Variants in ATP2B2 observed in about 807,000 individuals in gnomAD.
ATP2B2 encodes the protein plasma membrane calcium-transporting ATPase 2.
In ATP2B2, 15 loss-of-function variants were observed where a neutral mutation model predicts 120.0. The observed-to-expected ratio is 0.12, with a 90% CI of 0.08 to 0.19. ATP2B2 has a LOEUF of 0.19. Among genes scored for constraint, ATP2B2 ranks in the 10% least tolerant of loss-of-function variants. The pLI, the probability that ATP2B2 is intolerant of heterozygous loss-of-function variation, is 1.00. For missense variants in ATP2B2, 1,045 were observed against 1,719.8 expected, an observed-to-expected ratio of 0.61 and a Z score of 6.94; for synonymous variants, 694 against 700.3, an observed-to-expected ratio of 0.99 and a Z score of 0.14.
intron 1 of ATP2B2, among the ~76,000 whole-genome samples, chr3:10,486,105 C>T (rs192089612): frequency 3.9e-5 from 6 of 152,312 alleles, no homozygotes; most frequent in Admixed American, 3.9e-4. Flanking sequence ...TTCCATCGCA[C>T]TCATACAACA....
At chr3:10,482,550 C>T (rs1193897526) in intron 1 of ATP2B2, among the ~76,000 whole-genome samples, 2 of 152,194 alleles carry the variant, frequency 1.3e-5, no homozygotes, top group South Asian at 2.1e-4. Flanking sequence ...AGTGCCATGG[C>T]TAGGGTCAAG....
chr3:10,377,007 G>A (rs2061399365), intron 10 of ATP2B2, among the ~76,000 whole-genome samples: 1 of 152,156 alleles, frequency 6.6e-6, no homozygotes, highest in Non-Finnish European at 1.5e-5. Flanking sequence ...TAGATCCCCT[G>A]CCTACCCATC....
intron 2 of ATP2B2, among the ~76,000 whole-genome samples, chr3:10,428,491 G>C (rs1407511190): frequency 6.6e-6 from 1 of 152,162 alleles, no homozygotes; most frequent in Non-Finnish European, 1.5e-5. Context: ...GAGGGGACGA[G>C]GGGAGGCAAG....
chr3:10,336,926 T>C (rs1215771092), intron 22 of ATP2B2, among the ~76,000 whole-genome samples: 1 of 152,216 alleles, frequency 6.6e-6, no homozygotes, highest in African/African-American at 2.4e-5. Context: ...CTGCGTGGCT[T>C]TGCCGCCAGG....
intron 3 of ATP2B2, among the ~76,000 whole-genome samples, chr3:10,512,480 A>ATG: frequency 6.8e-6 from 1 of 147,376 alleles, no homozygotes; most frequent in East Asian, 2.0e-4. Context: ...ACACACACAC[A>ATG]CACACACACA....
chr3:10,410,598 G>A lies in ATP2B2; in HGVS notation c.397+20C>T, dbSNP rs2062576948. 1.3e-6 allele frequency: 2 copies of A among 1,586,220 alleles called. No homozygotes were observed. The highest frequency in any genetic ancestry group is 1.1e-5 in the South Asian group (1 of 87,524). ...TGGCCAGGTGTGCGGGGCGGTTCGT[G>A]GGTCTGAGGCCCATCTTACCTTCGT... is the stretch of plus-strand genomic sequence containing the variant. On this transcript the variant is annotated intron_variant, in intron 3 of 22. Transcript: ENST00000360273.
chr3:10,501,986 T>C (rs2066414284), intron 1 of ATP2B2, among the ~76,000 whole-genome samples: 1 of 152,076 alleles, frequency 6.6e-6, no homozygotes, highest in Non-Finnish European at 1.5e-5. Context: ...CATCAGGTGA[T>C]CTTTAGGTTA....
rs2061134865 is a variant in ATP2B2, at chr3:10,368,604, ACATC to A, written c.1659+3201_1659+3204del. The stretch of plus-strand genomic sequence containing the variant: ...TCCACTCATCCATCCGCCAATGAAC[ACATC>A]CATCCATCCATTTACCAACCATCAC... On this transcript the variant is annotated intron_variant, in intron 12 of 22. Coordinates refer to ENST00000360273, the MANE Select transcript of ATP2B2 (RefSeq NM_001001331.4). 1.3e-4 allele frequency among the ~76,000 whole-genome samples: 19 copies of A among 150,830 alleles called. No individual in the cohort carries two copies. In the South Asian group the frequency reaches 4.0e-3, roughly 32 times the overall value.
Position 10,668,931 on chromosome 3 carries a change from G to C in ATP2B2, c.-460+38984C>G, listed in dbSNP as rs959556601. On this transcript the variant is annotated intron_variant, in intron 1 of 21. Transcript: ENST00000646379. ...CGTGACTGCTCACACAACCCGAGGA[G>C]AGCCGCACTGTTCTGTCCCCTCCTT... Among the ~76,000 whole-genome samples, 9 of 152,372 alleles carry C rather than the reference G, an allele frequency of 5.9e-5. No homozygotes were observed. In the East Asian group the frequency reaches 1.4e-3, roughly 23 times the overall value.
chr3:10,445,759 A>G (rs1216005019), intron 2 of ATP2B2, among the ~76,000 whole-genome samples: 1 of 152,224 alleles, frequency 6.6e-6, no homozygotes, highest in African/African-American at 2.4e-5. Flanking sequence ...TGTGACTCAG[A>G]GGCCAGCTCC....
intron 1 of ATP2B2, among the ~76,000 whole-genome samples, chr3:10,683,387 G>A (rs746377919): frequency 3.9e-5 from 6 of 152,046 alleles, no homozygotes; most frequent in Non-Finnish European, 7.4e-5. Flanking sequence ...CATGGGTTGG[G>A]AAGGCAGGAA....
At chr3:10,501,309 C>T (rs2066379275) in intron 1 of ATP2B2, among the ~76,000 whole-genome samples, 2 of 152,054 alleles carry the variant, frequency 1.3e-5, no homozygotes, top group African/African-American at 2.4e-5. Context: ...GGGGTGAAGC[C>T]GAAGCCACAC....
intron 8 of ATP2B2, among the ~76,000 whole-genome samples, chr3:10,382,867 C>T (rs1438391455): frequency 2.6e-5 from 4 of 151,146 alleles, no homozygotes; most frequent in Non-Finnish European, 4.4e-5. Context: ...TTTCCATATC[C>T]AAGTCATTGT....
chr3:10,569,586 A>T (rs2068079995), intron 2 of ATP2B2, among the ~76,000 whole-genome samples: 1 of 152,192 alleles, frequency 6.6e-6, no homozygotes, highest in Non-Finnish European at 1.5e-5. Flanking sequence ...GACCTCATGG[A>T]TATTAATCCT....
chr3:10,382,338 T>C (rs1428767488), intron 8 of ATP2B2, among the ~76,000 whole-genome samples: 1 of 147,890 alleles, frequency 6.8e-6, no homozygotes, highest in African/African-American at 2.5e-5. Context: ...ACCCAGCCCA[T>C]GATGTATAAT....
intron 2 of ATP2B2, among the ~76,000 whole-genome samples, chr3:10,565,433 CT>C (rs1327300251): frequency 6.6e-6 from 1 of 152,122 alleles, no homozygotes; most frequent in African/African-American, 2.4e-5. Context: ...TTCTGAAAGC[CT>C]CTGGAATCTG....
At position 10,543,941 on chromosome 3, in the gene ATP2B2, G is replaced by A. The variant is rs149631827; in HGVS notation, c.-414-9808C>T. Among the ~76,000 whole-genome samples the A allele has an allele frequency of 4.7e-3, 715 of 152,172 alleles. 11 individuals carry two copies. Among genetic ancestry groups the A allele is most frequent in the African/African-American group, 0.016 (649 of 41,520 alleles). On this transcript the variant is annotated intron_variant, in intron 2 of 21. Transcript: ENST00000646379. ...TTTAGTAGAGATGGGGTTTCACCAC[G>A]TTGGCCAGGCTGGTCTCCAACTTCT...
intron 2 of ATP2B2, among the ~76,000 whole-genome samples, chr3:10,581,396 G>C (rs1373601549): frequency 6.6e-6 from 1 of 152,212 alleles, no homozygotes; most frequent in Admixed American, 6.5e-5. Context: ...TGAGAGATCT[G>C]GAAGAGCCCA....
At chr3:10,587,014 T>G (rs2068525919) in intron 2 of ATP2B2, among the ~76,000 whole-genome samples, 1 of 152,114 alleles carries the variant, frequency 6.6e-6, no homozygotes, top group Non-Finnish European at 1.5e-5. Flanking sequence ...GATAATCTAT[T>G]GTGTTATAAA....
Sources: gnomAD v4.1 joint callset for allele counts (sites outside exome capture counted in the v4.1 genomes callset) on GRCh38, gnomAD v4.1.1 for gene constraint, MANE v1.5 for transcripts, NCBI Gene and HGNC (gene_info 2026-07-23, HGNC 2026-07-21) for gene names.